Variants in EDARADD observed in about 807,000 individuals in gnomAD.
EDARADD encodes EDAR associated via death domain, also known as ectodysplasin-A receptor-associated adapter protein.
Under a neutral mutation model 25.6 loss-of-function variants are expected in EDARADD, and 20 were observed. The ratio of observed to expected loss-of-function variants is 0.78; its 90% CI spans 0.55 to 1.14. The LOEUF (loss-of-function observed/expected upper bound fraction) is 1.14, where lower values mean the gene tolerates loss of function less well. Ranked by LOEUF, EDARADD falls within the 50% of genes most tolerant of loss-of-function variation. The pLI is 0.00. For missense variants in EDARADD, 225 were observed against 270.1 expected (o/e 0.83, Z 1.17); for synonymous variants, 86 against 94.4 (o/e 0.91, Z 0.52).
Position 236,482,365 on chromosome 1 carries a change from C to T in EDARADD, c.364C>T (p.Leu122=), listed in dbSNP as rs1334816395. 6.2e-7 allele frequency: 1 copy of T among 1,614,130 alleles called. No individual in the cohort carries two copies. Among genetic ancestry groups the T allele is most frequent in the Non-Finnish European group, 8.5e-7 (1 of 1,180,034 alleles). ...ISDLLNDQDL[L]DVIRIKLDPC... is the part of the protein sequence containing the mutation. ...TGACTTGCTCAATGATCAGGACTTA[C>T]TAGACGTGATCAGGATAAAGCTGGA... The change falls in exon 6 of 6, where the codon CTA becomes TTA. Residue 122 remains leucine, a synonymous_variant. Coordinates refer to ENST00000334232, the MANE Select transcript of EDARADD (RefSeq NM_145861.4).
At chr1:236,351,394 G>T (rs1666914180) in intron 3 of EDARADD, among the ~76,000 whole-genome samples, 1 of 152,098 alleles carries the variant, frequency 6.6e-6, no homozygotes, top group African/African-American at 2.4e-5. Context: ...CGGTGTCCAG[G>T]CTCTTGACAC....
upstream of EDARADD, among the ~76,000 whole-genome samples, chr1:236,391,848 T>C (rs12073804): frequency 4.3e-3 from 655 of 152,342 alleles, 6 homozygotes; most frequent in African/African-American, 0.015. Flanking sequence ...TTTCCACACT[T>C]ACGGCTGCAG....
chr1:236,478,767 T>C (rs1212123392), intron 5 of EDARADD, among the ~76,000 whole-genome samples: 1 of 152,078 alleles, frequency 6.6e-6, no homozygotes, highest in Non-Finnish European at 1.5e-5. Flanking sequence ...TTTGTATTTT[T>C]AGTAGAGACT....
intron 4 of EDARADD, among the ~76,000 whole-genome samples, chr1:236,460,678 A>C (rs1370489135): frequency 6.6e-6 from 1 of 152,222 alleles, no homozygotes; most frequent in Admixed American, 6.5e-5. Context: ...GGAGATTCAC[A>C]GTCTGGTACT....
At chr1:236,413,852 T>A (rs1216226737) in intron 2 of EDARADD, among the ~76,000 whole-genome samples, 2 of 152,168 alleles carry the variant, frequency 1.3e-5, no homozygotes, top group Non-Finnish European at 2.9e-5. Flanking sequence ...TCTGCAATAG[T>A]GAGTACTGCC....
At chr1:236,373,194 C>T (rs1342732649) in intron 3 of EDARADD, among the ~76,000 whole-genome samples, 9 of 151,474 alleles carry the variant, frequency 5.9e-5, no homozygotes, top group East Asian at 1.9e-4. Context: ...GGATTACAGG[C>T]GTGAGCCACC....
intron 4 of EDARADD, among the ~76,000 whole-genome samples, chr1:236,442,484 C>T (rs1252775085): frequency 6.6e-6 from 1 of 152,196 alleles, no homozygotes; most frequent in Non-Finnish European, 1.5e-5. Context: ...AAGTCAATTC[C>T]TGGATTCAAA....
At chr1:236,430,467 C>G (rs949665810) in intron 4 of EDARADD, among the ~76,000 whole-genome samples, 1 of 152,150 alleles carries the variant, frequency 6.6e-6, no homozygotes, top group African/African-American at 2.4e-5. Context: ...TGTTAGCACA[C>G]TGTTCAGCAT....
chr1:236,348,552 T>A (rs1417987004), intron 1 of EDARADD, among the ~76,000 whole-genome samples: 2 of 152,210 alleles, frequency 1.3e-5, no homozygotes, highest in African/African-American at 4.8e-5. Context: ...CTGCACAGCC[T>A]TGATTTTCCA....
intron 4 of EDARADD, among the ~76,000 whole-genome samples, chr1:236,464,240 T>A (rs2103033439): frequency 6.8e-6 from 1 of 147,146 alleles, no homozygotes; most frequent in East Asian, 2.2e-4. Flanking sequence ...CCCATCACCT[T>A]TCTGCAAGTA....
chr1:236,474,976 T>C (rs1302961593), intron 5 of EDARADD, among the ~76,000 whole-genome samples: 3 of 151,966 alleles, frequency 2.0e-5, no homozygotes, highest in Admixed American at 6.6e-5. Flanking sequence ...CTATTAAAAA[T>C]ACAAAAATTA....
chr1:236,432,295 G>A (rs1658116931), intron 4 of EDARADD, among the ~76,000 whole-genome samples: 1 of 151,836 alleles, frequency 6.6e-6, no homozygotes, highest in South Asian at 2.1e-4. Context: ...AGGCTGAGGT[G>A]AGAGGATCGC....
At chr1:236,378,037 T>C (rs1667246570) in intron 3 of EDARADD, among the ~76,000 whole-genome samples, 1 of 152,142 alleles carries the variant, frequency 6.6e-6, no homozygotes, top group Admixed American at 6.5e-5. Flanking sequence ...GTGCTATGGT[T>C]ACATCTCAGT....
At chr1:236,416,975 G>A (rs756700668) in intron 3 of EDARADD, among the ~76,000 whole-genome samples, 33 of 152,254 alleles carry the variant, frequency 2.2e-4, no homozygotes, top group South Asian at 8.3e-4. Context: ...TTAGCTGGGC[G>A]TGGTGACATG....
In EDARADD at chr1:236,412,651, T is replaced by G. The variant is rs150722969; in HGVS notation, c.121-1609T>G. 1.9e-3 allele frequency among the ~76,000 whole-genome samples: 295 copies of G among 152,338 alleles called. 2 individuals carry two copies. Among genetic ancestry groups the G allele is most frequent in the East Asian group, 3.5e-3 (18 of 5,184 alleles). The stretch of plus-strand genomic sequence containing the variant: ...TGCCACCAGCAACTACTTTGCTGCT[T>G]CTTCTGAGTTCATCCAATTCTCAGC... On this transcript the variant is annotated intron_variant, in intron 2 of 5. Transcript: ENST00000334232.
intron 2 of EDARADD, among the ~76,000 whole-genome samples, chr1:236,411,793 C>T (rs549480945): frequency 2.6e-5 from 4 of 152,206 alleles, no homozygotes; most frequent in African/African-American, 7.2e-5. Context: ...TCAGGTGATC[C>T]GCCTGCCTTG....
chr1:236,407,602 C>G (rs1667761066), intron 1 of EDARADD, among the ~76,000 whole-genome samples: 2 of 140,458 alleles, frequency 1.4e-5, no homozygotes, highest in African/African-American at 3.2e-5. Flanking sequence ...AATTCCTAGT[C>G]TGCAATATGT....
rs557355623 is a variant in EDARADD, at chr1:236,394,746, A to T, written c.61+241A>T. Reference sequence around the variant, plus strand: ...TCCTATAATAGGCTTATGATGGATGATAGCTTTAGTTAAAATGTAGCAATC... The same window carrying T: ...TCCTATAATAGGCTTATGATGGATGTTAGCTTTAGTTAAAATGTAGCAATC... On this transcript the variant is annotated intron_variant, in intron 1 of 5. Coordinates refer to ENST00000334232, the MANE Select transcript of EDARADD (RefSeq NM_145861.4). Among the ~76,000 whole-genome samples, 4 of 152,338 alleles carry T rather than the reference A, an allele frequency of 2.6e-5. No individual in the cohort carries two copies. In the South Asian group the frequency reaches 8.3e-4, roughly 32 times the overall value.
intron 5 of EDARADD, among the ~76,000 whole-genome samples, chr1:236,469,535 A>G (rs1306206578): frequency 6.6e-6 from 1 of 152,150 alleles, no homozygotes; most frequent in African/African-American, 2.4e-5. Context: ...AACATTTTCT[A>G]CATCTTGTAA....
Sources: gnomAD v4.1 joint callset for allele counts (sites outside exome capture counted in the v4.1 genomes callset) on GRCh38, gnomAD v4.1.1 for gene constraint, MANE v1.5 for transcripts, NCBI Gene and HGNC (gene_info 2026-07-23, HGNC 2026-07-21) for gene names.